The following CHRM3 variants were observed in gnomAD, a reference collection of about 807,000 sequenced individuals.
CHRM3 encodes the protein muscarinic acetylcholine receptor M3.
CHRM3 carries 11 observed loss-of-function variants against 41.8 expected under a neutral mutation model. The ratio of observed to expected loss-of-function variants is 0.26; its 90% CI spans 0.17 to 0.44. The LOEUF is 0.44. Ranked by LOEUF, CHRM3 falls within the 20% of genes least tolerant of loss-of-function variation. The pLI is 1.00. For missense variants in CHRM3, 571 were observed against 745.4 expected (o/e 0.77, Z 2.72); for synonymous variants, 297 against 301.4 (o/e 0.99, Z 0.15).
At chr1:239,528,402 C>T (rs1233902200) in intron 2 of CHRM3, among the ~76,000 whole-genome samples, 1 of 152,152 alleles carries the variant, frequency 6.6e-6, no homozygotes, top group Non-Finnish European at 1.5e-5. Flanking sequence ...TGCACTGGCC[C>T]CTTGGCTGAC....
chr1:239,494,632 C>T (rs1369601927), intron 2 of CHRM3, among the ~76,000 whole-genome samples: 1 of 152,018 alleles, frequency 6.6e-6, no homozygotes, highest in East Asian at 1.9e-4. Flanking sequence ...GTTTGCTGCA[C>T]CTATCAACCC....
chr1:239,836,441 A>G (rs1385837442), intron 6 of CHRM3, among the ~76,000 whole-genome samples: 3 of 151,142 alleles, frequency 2.0e-5, no homozygotes, highest in Non-Finnish European at 4.4e-5. Flanking sequence ...AATATAAGAA[A>G]CTCTGTGATT....
At chr1:239,578,681 T>C (rs1370131335) in intron 3 of CHRM3, among the ~76,000 whole-genome samples, 7 of 152,270 alleles carry the variant, frequency 4.6e-5, no homozygotes, top group Admixed American at 3.9e-4. Flanking sequence ...CCAAAGTATG[T>C]CCTCCATTAA....
intron 3 of CHRM3, among the ~76,000 whole-genome samples, chr1:239,563,426 G>C (rs1661064486): frequency 2.0e-5 from 3 of 152,140 alleles, no homozygotes. Flanking sequence ...TTTGGGGACA[G>C]TAAGAATGGC....
chr1:239,463,116 T>C (rs577177296), intron 1 of CHRM3, among the ~76,000 whole-genome samples: 1 of 152,302 alleles, frequency 6.6e-6, no homozygotes, highest in Admixed American at 6.5e-5. Context: ...CACCTCCTTA[T>C]AATGGTTTTG....
chr1:239,592,790 C>A (rs762743739), intron 3 of CHRM3, among the ~76,000 whole-genome samples: 1 of 152,032 alleles, frequency 6.6e-6, no homozygotes, highest in African/African-American at 2.4e-5. Flanking sequence ...TGGCTATTAG[C>A]ATTCATGTAC....
chr1:239,698,153 AG>A (rs1660367415), intron 5 of CHRM3, among the ~76,000 whole-genome samples: 1 of 152,204 alleles, frequency 6.6e-6, no homozygotes, highest in Non-Finnish European at 1.5e-5. Flanking sequence ...AGGCATTAAA[AG>A]GTAATTATTA....
At chr1:239,887,501 G>C (rs1348368331) in intron 6 of CHRM3, among the ~76,000 whole-genome samples, 1 of 152,166 alleles carries the variant, frequency 6.6e-6, no homozygotes, top group Non-Finnish European at 1.5e-5. Context: ...GGGATTACAG[G>C]CGTGAGCCAT....
At position 239,841,716 on chromosome 1, in the gene CHRM3, G is replaced by A. The variant is rs1299158902; in HGVS notation, c.-20+14338G>A. ...GGGTCAGGAGTAATATGTGACTCTT[G>A]AAGAGCAGCTTTCAAGGCATTAGCA... On this transcript the variant is annotated intron_variant, in intron 6 of 6. Transcript: ENST00000676153. 2.6e-5 allele frequency among the ~76,000 whole-genome samples: 4 copies of A among 152,310 alleles called. No individual in the cohort carries two copies. In the South Asian group the frequency reaches 8.3e-4, roughly 32 times the overall value.
At chr1:239,459,834 A>G (rs1572377869) in intron 1 of CHRM3, among the ~76,000 whole-genome samples, 1 of 152,192 alleles carries the variant, frequency 6.6e-6, no homozygotes, top group African/African-American at 2.4e-5. Context: ...TGAAGAAGTA[A>G]TGTAAATGCA....
chr1:239,585,767 G>A (rs949160133), intron 3 of CHRM3, among the ~76,000 whole-genome samples: 4 of 152,160 alleles, frequency 2.6e-5, no homozygotes, highest in Admixed American at 2.0e-4. Flanking sequence ...GGCCAAAGCA[G>A]GGTTAACTTG....
intron 5 of CHRM3, among the ~76,000 whole-genome samples, chr1:239,798,502 A>G (rs1456134535): frequency 6.6e-6 from 1 of 152,190 alleles, no homozygotes; most frequent in Non-Finnish European, 1.5e-5. Flanking sequence ...CACAGCAGAC[A>G]CTCAATAAAT....
At chr1:239,641,101 C>G (rs1244811908) in intron 4 of CHRM3, among the ~76,000 whole-genome samples, 2 of 152,152 alleles carry the variant, frequency 1.3e-5, no homozygotes, top group Non-Finnish European at 2.9e-5. Flanking sequence ...ATCCTGACTT[C>G]TAGTTTGATT....
rs1332153632 is a variant in CHRM3, at chr1:239,907,210, T to C, written c.-19-223T>C. Reference sequence around the variant, plus strand: ...AAAAATGTGGGAAAAAAGCACAATGTTCAGTGCATGCCACCAATTATATAA... The same window carrying C: ...AAAAATGTGGGAAAAAAGCACAATGCTCAGTGCATGCCACCAATTATATAA... On this transcript the variant is annotated intron_variant, in intron 6 of 6. Transcript: ENST00000676153. This position sits in a 1 kb window ranked among gnomAD's most constrained non-coding sequence, Gnocchi z 5.4. Among the ~76,000 whole-genome samples, 2 of 152,204 alleles carry C rather than the reference T, an allele frequency of 1.3e-5. No homozygotes were observed. Among genetic ancestry groups the C allele is most frequent in the African/African-American group, 4.8e-5 (2 of 41,460 alleles).
intron 1 of CHRM3, among the ~76,000 whole-genome samples, chr1:239,415,307 G>A (rs887235854): frequency 2.0e-5 from 3 of 152,126 alleles, no homozygotes; most frequent in Non-Finnish European, 4.4e-5. Flanking sequence ...AGGCATGGTG[G>A]CACGTGCCTG....
chr1:239,416,380 G>A (rs1188565674), intron 1 of CHRM3, among the ~76,000 whole-genome samples: 1 of 151,650 alleles, frequency 6.6e-6, no homozygotes, highest in African/African-American at 2.4e-5. Context: ...TACTCTCGGT[G>A]GTAAAGAGTA....
chr1:239,474,484 G>A (rs1237818868), intron 1 of CHRM3, among the ~76,000 whole-genome samples: 1 of 147,668 alleles, frequency 6.8e-6, no homozygotes, highest in Non-Finnish European at 1.5e-5. Flanking sequence ...GTGTGTATAT[G>A]TTTGTGTGTT....
At chr1:239,403,975 G>C (rs1307995680) in intron 1 of CHRM3, among the ~76,000 whole-genome samples, 3 of 109,658 alleles carry the variant, frequency 2.7e-5, no homozygotes, top group Non-Finnish European at 5.5e-5. Context: ...GAGAGGGAGG[G>C]GGAGAGAGAG....
intron 1 of CHRM3, among the ~76,000 whole-genome samples, chr1:239,463,814 T>C (rs959012767): frequency 3.3e-5 from 5 of 152,214 alleles, no homozygotes; most frequent in Admixed American, 3.3e-4. Flanking sequence ...AACTGAAACC[T>C]CATGCTCATT....
Sources: allele counts gnomAD v4.1 joint callset (sites outside exome capture counted in the v4.1 genomes callset), GRCh38; gene constraint gnomAD v4.1.1; non-coding constraint Gnocchi (gnomAD v3.1); transcripts MANE v1.5; gene names NCBI Gene and HGNC (gene_info 2026-07-23, HGNC 2026-07-21).